The following NEU3 variants were observed in gnomAD, a reference collection of about 807,000 sequenced individuals.
NEU3 encodes the protein sialidase-3.
Under a neutral mutation model 11.4 loss-of-function variants are expected in NEU3, and 10 were observed. That is an observed-to-expected ratio of 0.88 (90% CI 0.54 to 1.49). The LOEUF is 1.49. Among genes scored for constraint, NEU3 ranks in the 40% most tolerant of loss-of-function variants. The pLI, the probability that NEU3 is intolerant of heterozygous loss-of-function variation, is 0.00. For synonymous variants in NEU3, 212 were observed against 228.2 expected (o/e 0.93, Z 0.64); for missense variants, 529 against 581.8 (o/e 0.91, Z 0.93).
downstream of NEU3, among the ~76,000 whole-genome samples, chr11:75,014,754 A>G (rs1294322166): frequency 6.6e-6 from 1 of 151,952 alleles, no homozygotes; most frequent in Non-Finnish European, 1.5e-5. Context: ...AGTCCCAGCT[A>G]CTCGAGAGGC....
intron 3 of NEU3, among the ~76,000 whole-genome samples, chr11:75,017,659 G>A (rs1948986995): frequency 6.6e-6 from 1 of 152,180 alleles, no homozygotes. Context: ...TGGGGCCAAA[G>A]GCTGGCTCTC....
rs1948925967 is a variant in NEU3, at chr11:75,008,731, T to G, written c.*2239T>G. On this transcript the variant is annotated 3_prime_UTR_variant, in exon 3 of 3. Transcript: ENST00000294064. ...CACTACGCCCAGCTAATTTTTTGTA[T>G]TTTTAGTAGAGACGGGGTTTCACCA... The G allele has an allele frequency of 1.3e-5, 2 of 152,084 alleles. No homozygotes were observed. Among genetic ancestry groups the G allele is most frequent in the Admixed American group, 1.3e-4 (2 of 15,262 alleles). The allele number at this position is 152,084 out of a possible 1,614,324, so 9.4% of individuals were successfully genotyped here. A position where few individuals can be genotyped will look rare whatever the true frequency, so the allele number is the denominator to read the frequency against.
At chr11:75,015,879 C>A (rs950956100), downstream of NEU3, among the ~76,000 whole-genome samples, 9 of 152,166 alleles carry the variant, frequency 5.9e-5, no homozygotes, top group African/African-American at 1.7e-4. Flanking sequence ...TACTGATATT[C>A]TTTCCAATAA....
chr11:75,017,599 G>T (rs1948986431), intron 3 of NEU3, among the ~76,000 whole-genome samples: 1 of 152,178 alleles, frequency 6.6e-6, no homozygotes, highest in Admixed American at 6.5e-5. Flanking sequence ...AATCATGGCT[G>T]CCTGAGTATG....
Position 75,006,232 on chromosome 11 carries a change from C to G in NEU3, c.1126C>G (p.Leu376Val). The G allele has an allele frequency of 6.2e-7, 1 of 1,613,954 alleles. No individual in the cohort carries two copies. Among genetic ancestry groups the G allele is most frequent in the Non-Finnish European group, 8.5e-7 (1 of 1,179,884 alleles). Residue 376 changes from leucine to valine, a missense_variant, in exon 3 of 3, where the codon CTA (leucine) becomes GTA (valine). Leu to Val is a conservative substitution (Grantham distance 32). Transcript: ENST00000294064. ...AACCAGTAGGAAACAGAGGGTTGAC[C>G]TAGGTATCTATCTCAACCAGACCCC... ...HPTSRKQRVD[L>V]GIYLNQTPLE...
chr11:75,012,786 G>T (rs1442345249), downstream of NEU3, among the ~76,000 whole-genome samples: 1 of 152,172 alleles, frequency 6.6e-6, no homozygotes, highest in Admixed American at 6.5e-5. Flanking sequence ...ATCAAAAGTA[G>T]CAACGAGCAC....
At chr11:74,994,826 TG>T (rs1948771847) in intron 2 of NEU3, 106 bp downstream of exon 2, 1 of 1,084,400 alleles carries the variant, frequency 9.2e-7, no homozygotes, top group Non-Finnish European at 1.4e-6. Context: ...AAGCCCTGTG[TG>T]GGGAGCAGAG....
chr11:74,980,652 C>G, the NEU3 span, among the ~76,000 whole-genome samples: 1 of 152,186 alleles, frequency 6.6e-6, no homozygotes, highest in African/African-American at 2.4e-5. Flanking sequence ...CCAACCCACC[C>G]TATGGTCCCC....
intron 2 of NEU3, 42 bp from the exon 3 acceptor site, chr11:75,005,371 T>A: frequency 6.7e-7 from 1 of 1,496,818 alleles, no homozygotes. Flanking sequence ...CATGTTTTCC[T>A]ATTAGTATCT....
the NEU3 span, among the ~76,000 whole-genome samples, chr11:74,982,692 G>C: frequency 1.3e-5 from 2 of 152,070 alleles, no homozygotes; most frequent in Non-Finnish European, 2.9e-5. Flanking sequence ...CATAGAGGTG[G>C]TCAAAAATGC....
At position 75,005,829 on chromosome 11, in the gene NEU3, A is replaced by G. The variant is rs147894902; in HGVS notation, c.723A>G (p.Leu241=). The G allele has an allele frequency of 4.2e-3, 6,783 of 1,613,948 alleles. 97 individuals are homozygous for G. The highest frequency in any genetic ancestry group is 0.032 in the South Asian group (2,880 of 91,086). The change falls in exon 3 of 3, where the codon CTA becomes CTG. Residue 241 remains leucine, a synonymous_variant. Coordinates refer to ENST00000294064, the MANE Select transcript of NEU3 (RefSeq NM_006656.6). ...CTCTGATGATCTACAGTGATGACCT[A>G]GGGGTCACATGGCACCATGGTAGAC... ...PHSLMIYSDD[L]GVTWHHGRLI... is the part of the protein sequence containing the mutation.
At chr11:75,015,579 G>C (rs1948977322), downstream of NEU3, among the ~76,000 whole-genome samples, 1 of 152,142 alleles carries the variant, frequency 6.6e-6, no homozygotes, top group South Asian at 2.1e-4. Flanking sequence ...ATTTGCATTT[G>C]TAACAAGTTC....
intron 2 of NEU3, among the ~76,000 whole-genome samples, chr11:75,003,020 T>G (rs1948861446): frequency 6.6e-6 from 1 of 152,208 alleles, no homozygotes; most frequent in Admixed American, 6.5e-5. Flanking sequence ...CTGTGAATAT[T>G]CTTATACATG....
rs1948896904 is a variant in NEU3, at chr11:75,006,131, G to A, written c.1025G>A (p.Ser342Asn). 1.2e-6 allele frequency: 2 copies of A among 1,614,026 alleles called. No individual in the cohort carries two copies. ...SSKDAPTIQQ[S>N]SPGSSLRLEE... ...AAAGATGCACCCACCATTCAGCAGAGCTCTCCAGGCAGTTCACTGAGGCTG... is the reference window on the plus strand; with the variant it reads ...AAAGATGCACCCACCATTCAGCAGAACTCTCCAGGCAGTTCACTGAGGCTG... The change falls in exon 3 of 3, where the codon AGC becomes AAC. Residue 342 changes from serine (S) to asparagine (N), a missense_variant. Transcript: ENST00000294064.
Position 75,006,257 on chromosome 11 carries a change from C to G in NEU3, c.1151C>G (p.Pro384Arg). 1 of 1,613,990 alleles carries G rather than the reference C, an allele frequency of 6.2e-7. No homozygotes were observed. ...CTAGGTATCTATCTCAACCAGACCC[C>G]CTTGGAGGCTGCCTGCTGGTCCCGC... is the stretch of plus-strand genomic sequence containing the variant. ...VDLGIYLNQT[P>R]LEAACWSRPW... The change falls in exon 3 of 3, where the codon CCC (proline) becomes CGC (arginine). Residue 384 changes from proline to arginine, a missense_variant. Pro to Arg is a moderately radical substitution (Grantham distance 103). Transcript: ENST00000294064.
At chr11:74,992,893 G>A (rs1948747602) in intron 1 of NEU3, among the ~76,000 whole-genome samples, 2 of 152,130 alleles carry the variant, frequency 1.3e-5, no homozygotes, top group Admixed American at 1.3e-4. Flanking sequence ...CCAGGAGGTG[G>A]AGGTTGCAGT....
rs1055852769 is a variant in NEU3, at chr11:75,009,475, T to A, written c.*2983T>A. On this transcript the variant is annotated 3_prime_UTR_variant, in exon 3 of 3. Transcript: ENST00000294064. ...AGGCCTTCAGGGCCCTGGGACCTAT[T>A]CCATGATAGTGGTACCCTAACTGAA... 6.6e-6 allele frequency: 1 copy of A among 152,156 alleles called. No individual in the cohort carries two copies. The highest frequency in any genetic ancestry group is 1.5e-5 in the Non-Finnish European group (1 of 68,060). The allele number at this position is 152,156 out of a possible 1,614,324, so 9.4% of individuals were successfully genotyped here.
chr11:74,981,769 A>G, the NEU3 span, among the ~76,000 whole-genome samples: 1 of 152,224 alleles, frequency 6.6e-6, no homozygotes. Context: ...ATGGTTTTCT[A>G]GAAGAGAAAG....
At chr11:75,000,816 T>TATTTATTTATTG (rs1555118936) in intron 2 of NEU3, among the ~76,000 whole-genome samples, 5 of 151,054 alleles carry the variant, frequency 3.3e-5, no homozygotes, top group African/African-American at 1.2e-4. Context: ...TTTATTTATT[T>TATTTATTTATTG]ATTGTAGAAA....
Sources: gnomAD v4.1 joint callset for allele counts (sites outside exome capture counted in the v4.1 genomes callset) on GRCh38, gnomAD v4.1.1 for gene constraint, MANE v1.5 for transcripts, NCBI Gene and HGNC (gene_info 2026-07-23, HGNC 2026-07-21) for gene names.